Variants in OTUD7A observed in about 807,000 individuals in gnomAD.
The protein encoded by OTUD7A is OTU domain-containing protein 7A.
OTUD7A carries 12 observed loss-of-function variants against 65.7 expected under a neutral mutation model. The ratio of observed to expected loss-of-function variants is 0.18; its 90% CI spans 0.12 to 0.30. OTUD7A has a LOEUF of 0.30. OTUD7A is among the 10% of genes least tolerant of loss of function. The pLI, the probability that OTUD7A is intolerant of heterozygous loss-of-function variation, is 1.00. For synonymous variants in OTUD7A, 641 were observed against 586.3 expected (o/e 1.09, Z -1.35); for missense variants, 1,148 against 1,304.8 (o/e 0.88, Z 1.85).
intron 1 of OTUD7A, among the ~76,000 whole-genome samples, chr15:31,733,016 A>G (rs2141363341): frequency 6.6e-6 from 1 of 152,142 alleles, no homozygotes; most frequent in African/African-American, 2.4e-5. Context: ...AAGAATTAAA[A>G]CTCAGCCAGT....
At chr15:31,860,690 T>TATATATATATATATATAC (rs1376726188) in intron 1 of OTUD7A, among the ~76,000 whole-genome samples, 2 of 129,776 alleles carry the variant, frequency 1.5e-5, no homozygotes, top group Non-Finnish European at 1.6e-5. Flanking sequence ...TATATATATA[T>TATATATATATATATATAC]ATATATATAT....
In OTUD7A at chr15:31,753,723, A is replaced by ATATATATATATATAT. The variant is rs1567005141; in HGVS notation, c.-99-96661_-99-96647dup. ...TATATTATATATATATATATATATT[A>ATATATATATATATAT]TATATATATATATATATCTCACAGT... On this transcript the variant is annotated intron_variant, in intron 1 of 12. Coordinates refer to ENST00000307050, the MANE Select transcript of OTUD7A (RefSeq NM_001382637.1). Among the ~76,000 whole-genome samples, 8 of 83,840 alleles carry ATATATATATATATAT rather than the reference A, an allele frequency of 9.5e-5. No individual in the cohort carries two copies. In the South Asian group the frequency reaches 1.3e-3, roughly 14 times the overall value. 55.0% of individuals were successfully genotyped at this position (83,840 alleles called of 152,430 possible). A position where few individuals can be genotyped will look rare whatever the true frequency, so the allele number is the denominator to read the frequency against.
At chr15:31,531,294 A>G (rs868823968) in intron 5 of OTUD7A, among the ~76,000 whole-genome samples, 2 of 152,182 alleles carry the variant, frequency 1.3e-5, no homozygotes, top group Non-Finnish European at 1.5e-5. Context: ...CAGGGAAGAT[A>G]GATCAGATGT....
At chr15:31,748,804 T>C (rs1447673646) in intron 1 of OTUD7A, among the ~76,000 whole-genome samples, 1 of 152,208 alleles carries the variant, frequency 6.6e-6, no homozygotes, top group African/African-American at 2.4e-5. Flanking sequence ...TAGCATAGCA[T>C]TCCTTTGCGT....
At chr15:31,661,899 CTGTT>C (rs960693850) in intron 1 of OTUD7A, among the ~76,000 whole-genome samples, 21 of 152,102 alleles carry the variant, frequency 1.4e-4, no homozygotes, top group African/African-American at 4.3e-4. Flanking sequence ...CTTTTTCCCT[CTGTT>C]TGTTGAAAAA....
chr15:31,771,936 C>T (rs1178292154), intron 1 of OTUD7A, among the ~76,000 whole-genome samples: 3 of 152,182 alleles, frequency 2.0e-5, no homozygotes, highest in African/African-American at 7.2e-5. Flanking sequence ...CTCCTTCTCA[C>T]TTTCCACAAT....
chr15:31,782,175 T>G (rs112321000), intron 1 of OTUD7A, among the ~76,000 whole-genome samples: 19 of 152,212 alleles, frequency 1.2e-4, no homozygotes, highest in Non-Finnish European at 2.6e-4. Context: ...GGGCTCACAC[T>G]GCAGGGGAAC....
chr15:31,526,175 A>G (rs1338334036), intron 8 of OTUD7A, among the ~76,000 whole-genome samples, 174 bp downstream of exon 8: 1 of 152,146 alleles, frequency 6.6e-6, no homozygotes, highest in Non-Finnish European at 1.5e-5. Context: ...GCCATCACCC[A>G]CGGTCCTCCC....
intron 3 of OTUD7A, among the ~76,000 whole-genome samples, chr15:31,623,005 C>G (rs1200849638): frequency 1.3e-5 from 2 of 152,186 alleles, no homozygotes; most frequent in African/African-American, 4.8e-5. Context: ...AGCTGCAGGT[C>G]TGTTGGAGTT....
chr15:31,543,077 T>C (rs935420580), intron 5 of OTUD7A, among the ~76,000 whole-genome samples: 4 of 151,908 alleles, frequency 2.6e-5, no homozygotes, highest in Admixed American at 2.0e-4. Flanking sequence ...AAAATGAATG[T>C]TGACTATATA....
chr15:31,538,525 C>T (rs1035740913), intron 5 of OTUD7A, among the ~76,000 whole-genome samples: 3 of 152,086 alleles, frequency 2.0e-5, no homozygotes, highest in African/African-American at 4.8e-5. Flanking sequence ...AACTTGCCCA[C>T]GATCCGCTGA....
chr15:31,667,536 T>A (rs1324588852), intron 1 of OTUD7A, among the ~76,000 whole-genome samples: 1 of 152,170 alleles, frequency 6.6e-6, no homozygotes, highest in Non-Finnish European at 1.5e-5. Flanking sequence ...GTTAGGTGAG[T>A]CTCCTGAAGG....
intron 3 of OTUD7A, among the ~76,000 whole-genome samples, chr15:31,576,137 C>T (rs1015107499): frequency 3.9e-5 from 6 of 152,130 alleles, no homozygotes; most frequent in Non-Finnish European, 8.8e-5. Flanking sequence ...TACATACCTC[C>T]CTCACAATTT....
intron 1 of OTUD7A, among the ~76,000 whole-genome samples, chr15:31,816,700 ATT>A (rs1463338070): frequency 5.6e-4 from 85 of 152,270 alleles, no homozygotes; most frequent in African/African-American, 2.0e-3. Flanking sequence ...AAAAAAAAAA[ATT>A]AGAATCACAT....
intron 1 of OTUD7A, among the ~76,000 whole-genome samples, chr15:31,827,575 TAC>T (rs1472254147): frequency 3.3e-5 from 5 of 152,358 alleles, no homozygotes; most frequent in South Asian, 2.1e-4. Flanking sequence ...CCTGTATATT[TAC>T]ACAGTTTTCT....
chr15:31,827,943 A>C (rs977873808), intron 1 of OTUD7A, among the ~76,000 whole-genome samples: 8 of 152,124 alleles, frequency 5.3e-5, no homozygotes, highest in East Asian at 1.9e-4. Flanking sequence ...TCAAAAAAAA[A>C]ACCACATAAA....
At chr15:31,777,649 C>A (rs1056541619) in intron 1 of OTUD7A, among the ~76,000 whole-genome samples, 1 of 152,172 alleles carries the variant, frequency 6.6e-6, no homozygotes, top group Admixed American at 6.5e-5. Context: ...CCATCCCCCA[C>A]CCTCAGCCCA....
intron 3 of OTUD7A, among the ~76,000 whole-genome samples, chr15:31,571,990 T>C (rs1296612531): frequency 3.9e-5 from 6 of 152,218 alleles, no homozygotes; most frequent in Non-Finnish European, 8.8e-5. Flanking sequence ...TGGATTCCCC[T>C]AATTTTTCTT....
intron 1 of OTUD7A, among the ~76,000 whole-genome samples, chr15:31,843,270 A>T (rs1302510298): frequency 2.0e-5 from 3 of 150,138 alleles, no homozygotes; most frequent in African/African-American, 7.4e-5. Context: ...CAGTGACAAG[A>T]CATTTTTTTT....
Sources: allele counts gnomAD v4.1 joint callset (sites outside exome capture counted in the v4.1 genomes callset), GRCh38; gene constraint gnomAD v4.1.1; transcripts MANE v1.5; gene names NCBI Gene and HGNC (gene_info 2026-07-23, HGNC 2026-07-21).